CARMIL1: variants seen among roughly 807,000 people sequenced by gnomAD.
CARMIL1 encodes F-actin-uncapping protein LRRC16A.
In CARMIL1, 90 loss-of-function variants were observed where a neutral mutation model predicts 177.1. The ratio of observed to expected loss-of-function variants is 0.51; its 90% CI spans 0.43 to 0.61. The LOEUF (loss-of-function observed/expected upper bound fraction) is 0.61, where lower values mean the gene tolerates loss of function less well. Among genes scored for constraint, CARMIL1 ranks in the 20% least tolerant of loss-of-function variants. CARMIL1 has a pLI of 0.00. For synonymous variants in CARMIL1, 577 were observed against 606.2 expected (o/e 0.95, Z 0.71); for missense variants, 1,380 against 1,667.0 (o/e 0.83, Z 3.00).
At chr6:25,418,007 G>A (rs1795510805) in intron 2 of CARMIL1, among the ~76,000 whole-genome samples, 1 of 152,148 alleles carries the variant, frequency 6.6e-6, no homozygotes, top group African/African-American at 2.4e-5. Flanking sequence ...ACATCCACCA[G>A]GGGCTAGAGC....
At chr6:25,484,196 T>A (rs1802408301) in intron 12 of CARMIL1, among the ~76,000 whole-genome samples, 1 of 152,238 alleles carries the variant, frequency 6.6e-6, no homozygotes, top group African/African-American at 2.4e-5. Flanking sequence ...TCACATTTGA[T>A]TGTGTCTTAG....
intron 29 of CARMIL1, among the ~76,000 whole-genome samples, chr6:25,565,248 A>G (rs1811449735): frequency 6.6e-6 from 1 of 152,138 alleles, no homozygotes; most frequent in Non-Finnish European, 1.5e-5. Context: ...TTTGTCATTT[A>G]TTTGTTTATT....
At chr6:25,339,653 G>A (rs1479693885) in intron 2 of CARMIL1, among the ~76,000 whole-genome samples, 1 of 152,190 alleles carries the variant, frequency 6.6e-6, no homozygotes, top group Non-Finnish European at 1.5e-5. Flanking sequence ...ATACCAGATA[G>A]AAGCTTCAGT....
chr6:25,516,326 G>A (rs184605850), intron 21 of CARMIL1, among the ~76,000 whole-genome samples: 2 of 152,170 alleles, frequency 1.3e-5, no homozygotes, highest in African/African-American at 4.8e-5. Flanking sequence ...GGTGCTAGCT[G>A]TTCTCTTTAG....
chr6:25,563,132 G>C, intron 29 of CARMIL1: 3 of 613,992 alleles, frequency 4.9e-6, no homozygotes, highest in Non-Finnish European at 6.1e-6. Context: ...TGGCTCCTGG[G>C]TATAGTACAG....
chr6:25,472,323 G>T, intron 10 of CARMIL1, 104 bp from the exon 11 acceptor site: 1 of 740,254 alleles, frequency 1.4e-6, no homozygotes, highest in Non-Finnish European at 2.3e-6. Flanking sequence ...AATATTGTAA[G>T]GGAGGTTTCT....
In CARMIL1 at chr6:25,289,174, A is replaced by G. The variant is rs569126489; in HGVS notation, c.138+4265A>G. The stretch of plus-strand genomic sequence containing the variant: ...CCTTTAGCCATGTTTTTTAAAATCT[A>G]CATTGTGAGTAGTTCCACTCTGGGC... On this transcript the variant is annotated intron_variant, in intron 2 of 36. Transcript: ENST00000329474. 2.0e-3 allele frequency among the ~76,000 whole-genome samples: 302 copies of G among 152,256 alleles called. 4 individuals carry two copies. The highest frequency in any genetic ancestry group is 6.8e-3 in the Middle Eastern group (2 of 294).
intron 11 of CARMIL1, among the ~76,000 whole-genome samples, chr6:25,478,268 G>C (rs988016433): frequency 1.1e-4 from 16 of 151,912 alleles, no homozygotes; most frequent in African/African-American, 3.9e-4. Flanking sequence ...TGGTGTTTTA[G>C]GTCTTTCATG....
intron 32 of CARMIL1, 22 bp downstream of exon 32, chr6:25,594,549 T>A: frequency 7.9e-7 from 1 of 1,259,576 alleles, no homozygotes; most frequent in Non-Finnish European, 1.2e-6. Flanking sequence ...GTAATTTCAC[T>A]GATAATGCTA....
chr6:25,596,016 A>G (rs2151295844), intron 32 of CARMIL1, among the ~76,000 whole-genome samples: 1 of 152,194 alleles, frequency 6.6e-6, no homozygotes, highest in Non-Finnish European at 1.5e-5. Context: ...CTCTTTTTAA[A>G]CTTCTGAAAT....
chr6:25,587,008 G>A (rs190474174), intron 31 of CARMIL1, among the ~76,000 whole-genome samples: 83 of 136,860 alleles, frequency 6.1e-4, no homozygotes, highest in African/African-American at 2.4e-3. Context: ...GAGACAGAGG[G>A]AGAGGGAGAG....
In CARMIL1 at chr6:25,450,574, GTC is replaced by G. The variant is rs894819698; in HGVS notation, c.541-58_541-57del. 2.6e-4 allele frequency: 283 copies of G among 1,101,960 alleles called. 2 individuals carry two copies. Among genetic ancestry groups the G allele is most frequent in the Middle Eastern group, 1.6e-3 (8 of 5,070 alleles). 68.3% of individuals were successfully genotyped at this position (1,101,960 alleles called of 1,614,324 possible). The stretch of plus-strand genomic sequence containing the variant: ...CCATTGTCATTGTCTAATTCTCACT[GTC>G]TCTCTTGCTTTCCTGGTCATCTGCA... On this transcript the variant is annotated intron_variant, in intron 7 of 36. Transcript: ENST00000329474.
intron 15 of CARMIL1, among the ~76,000 whole-genome samples, chr6:25,494,262 C>T (rs1803488991): frequency 1.3e-5 from 2 of 152,188 alleles, no homozygotes; most frequent in Admixed American, 6.5e-5. Flanking sequence ...AGTCCCTCCA[C>T]AGAATATGAA....
chr6:25,443,423 G>C (rs1562143480), intron 5 of CARMIL1, among the ~76,000 whole-genome samples: 1 of 152,162 alleles, frequency 6.6e-6, no homozygotes, highest in Non-Finnish European at 1.5e-5. Context: ...GGGTAAAATA[G>C]ACAAAAATCA....
At chr6:25,564,839 A>G (rs1312501051) in intron 29 of CARMIL1, among the ~76,000 whole-genome samples, 1 of 152,104 alleles carries the variant, frequency 6.6e-6, no homozygotes, top group Admixed American at 6.6e-5. Context: ...GTGGTTATAC[A>G]TTAGTAAAGT....
At chr6:25,437,125 A>G (rs1193315689) in intron 5 of CARMIL1, among the ~76,000 whole-genome samples, 1 of 152,188 alleles carries the variant, frequency 6.6e-6, no homozygotes, top group Admixed American at 6.5e-5. Context: ...GCTACAACCC[A>G]TCTTCCTTAA....
At chr6:25,422,307 G>A (rs1562115708) in intron 3 of CARMIL1, among the ~76,000 whole-genome samples, 1 of 152,142 alleles carries the variant, frequency 6.6e-6, no homozygotes, top group Non-Finnish European at 1.5e-5. Context: ...CCACTGTTTT[G>A]TAAATTCTGA....
chr6:25,466,427 G>T (rs892915835), intron 9 of CARMIL1, among the ~76,000 whole-genome samples: 18 of 152,256 alleles, frequency 1.2e-4, no homozygotes, highest in Admixed American at 4.6e-4. Context: ...AAAGCAAAAT[G>T]AAATTAAAGT....
At chr6:25,387,140 C>G (rs1035449656) in intron 2 of CARMIL1, among the ~76,000 whole-genome samples, 2 of 125,076 alleles carry the variant, frequency 1.6e-5, no homozygotes, top group African/African-American at 7.0e-5. Context: ...AAAATCACAA[C>G]AGACTAGATA....
Sources: allele counts gnomAD v4.1 joint callset (sites outside exome capture counted in the v4.1 genomes callset), GRCh38; gene constraint gnomAD v4.1.1; transcripts MANE v1.5; gene names NCBI Gene and HGNC (gene_info 2026-07-23, HGNC 2026-07-21).